The following SFRP1 variants were observed in gnomAD, a reference collection of about 807,000 sequenced individuals.
SFRP1 encodes the protein secreted frizzled-related protein 1.
SFRP1 carries 9 observed loss-of-function variants against 25.9 expected under a neutral mutation model. The observed-to-expected ratio is 0.35, with a 90% CI of 0.21 to 0.61. The LOEUF (loss-of-function observed/expected upper bound fraction) is 0.61, where lower values mean the gene tolerates loss of function less well. Among genes scored for constraint, SFRP1 ranks in the 20% least tolerant of loss-of-function variants. SFRP1 has a pLI of 0.78. For missense variants in SFRP1, 346 were observed against 418.2 expected, an observed-to-expected ratio of 0.83 and a Z score of 1.51; for synonymous variants, 178 against 174.0, an observed-to-expected ratio of 1.02 and a Z score of -0.18.
intron 2 of SFRP1, among the ~76,000 whole-genome samples, chr8:41,274,109 C>A (rs1353150689): frequency 6.6e-6 from 1 of 152,204 alleles, no homozygotes; most frequent in African/African-American, 2.4e-5. Context: ...TGCATTGTTC[C>A]AAGGCTTCTC....
chr8:41,267,419 C>T (rs1054195199), intron 2 of SFRP1, among the ~76,000 whole-genome samples: 11 of 152,198 alleles, frequency 7.2e-5, no homozygotes, highest in East Asian at 1.9e-4. Context: ...CTGGTCAGCC[C>T]GAGATATTCC....
intron 2 of SFRP1, among the ~76,000 whole-genome samples, chr8:41,286,327 C>T (rs1365384579): frequency 6.6e-6 from 1 of 152,220 alleles, no homozygotes. Flanking sequence ...ACTCCTGTTC[C>T]GAGGCAGGGG....
intron 2 of SFRP1, among the ~76,000 whole-genome samples, chr8:41,269,068 C>T (rs1803470828): frequency 6.6e-6 from 1 of 152,218 alleles, no homozygotes; most frequent in Admixed American, 6.5e-5. Context: ...GGAGCCCCTG[C>T]TGGGTACTTC....
At chr8:41,288,530 C>CAAAAAAAAAAAAAAAA (rs397893046) in intron 2 of SFRP1, among the ~76,000 whole-genome samples, 1 of 39,088 alleles carries the variant, frequency 2.6e-5, no homozygotes, top group African/African-American at 8.6e-5. Context: ...AGACCCTGTC[C>CAAAAAAAAAAAAAAAA]AAAAAAAAAA....
At chr8:41,285,878 CCGCCTCAGA>C (rs963196392) in intron 2 of SFRP1, among the ~76,000 whole-genome samples, 22 of 152,326 alleles carry the variant, frequency 1.4e-4, no homozygotes, top group African/African-American at 5.3e-4. Context: ...TCCCTCCCAG[CCGCCTCAGA>C]AGTGGCCACC....
At chr8:41,284,969 G>A (rs7820647) in intron 2 of SFRP1, among the ~76,000 whole-genome samples, 3 of 152,112 alleles carry the variant, frequency 2.0e-5, no homozygotes, top group Admixed American at 6.5e-5. Context: ...CAGATGCACC[G>A]CAAGAGTAAG....
Position 41,309,062 on chromosome 8 carries a change from T to G in SFRP1, c.98A>C (p.Glu33Ala), listed in dbSNP as rs755723496. ...AALLAVGSAS[E>A]YDYVSFQSDI... ...CGACTGGAAGCTCACGTAGTCGTACTCGCTGGCCGAGCCCACGGCCAGAAG... is the reference window on the plus strand; with the variant it reads ...CGACTGGAAGCTCACGTAGTCGTACGCGCTGGCCGAGCCCACGGCCAGAAG... The change falls in exon 1 of 3, where the codon GAG (glutamate) becomes GCG (alanine). Residue 33 changes from glutamate to alanine, a missense_variant. Transcript: ENST00000220772. 2 of 1,602,132 alleles carry G rather than the reference T, an allele frequency of 1.2e-6. No individual in the cohort carries two copies. The highest frequency in any genetic ancestry group is 3.3e-5 in the Admixed American group (2 of 59,916).
At position 41,309,215 on chromosome 8, in the gene SFRP1, C is replaced by T. The variant is rs1211083335; in HGVS notation, c.-56G>A. 3 of 1,265,216 alleles carry T rather than the reference C, an allele frequency of 2.4e-6. No individual in the cohort carries two copies. The East Asian group carries it at 9.8e-5, about 41-fold the overall frequency. 78.4% of individuals were successfully genotyped at this position (1,265,216 alleles called of 1,614,324 possible). A position where few individuals can be genotyped will look rare whatever the true frequency, so the allele number is the denominator to read the frequency against. ...CGGGGCTGCCTCCGCCGCCTCCCCGCGCGCGTCCTGCCGCAAACTTCCAGG... is the reference window on the plus strand; with the variant it reads ...CGGGGCTGCCTCCGCCGCCTCCCCGTGCGCGTCCTGCCGCAAACTTCCAGG... On this transcript the variant is annotated 5_prime_UTR_variant, in exon 1 of 3. Transcript: ENST00000220772.
chr8:41,287,231 T>C, intron 2 of SFRP1, among the ~76,000 whole-genome samples: 1 of 152,304 alleles, frequency 6.6e-6, no homozygotes, highest in East Asian at 1.9e-4. Flanking sequence ...CACAGGCTTG[T>C]CCACTTGAAG....
rs1317178292 is a variant in SFRP1, at chr8:41,263,988, G to C, written c.*1179C>G. 6.6e-6 allele frequency: 1 copy of C among 152,286 alleles called. No homozygotes were observed. Among genetic ancestry groups the C allele is most frequent in the South Asian group, 2.1e-4 (1 of 4,828 alleles). The allele number at this position is 152,286 out of a possible 1,614,324, so 9.4% of individuals were successfully genotyped here. On this transcript the variant is annotated 3_prime_UTR_variant, in exon 3 of 3. Coordinates refer to ENST00000220772, the MANE Select transcript of SFRP1 (RefSeq NM_003012.5). Reference sequence around the variant, plus strand: ...CGGAAAGCTCTGTGAGTTTTGCTAGGGGGTGTTAGGTTCTAGGGCAACCAC... The same window carrying C: ...CGGAAAGCTCTGTGAGTTTTGCTAGCGGGTGTTAGGTTCTAGGGCAACCAC...
chr8:41,294,745 C>T (rs911301567), intron 2 of SFRP1, among the ~76,000 whole-genome samples: 9 of 152,166 alleles, frequency 5.9e-5, no homozygotes, highest in African/African-American at 2.2e-4. Context: ...AACAGACCAA[C>T]ACCTTTTACA....
At chr8:41,279,721 G>A (rs996883015) in intron 2 of SFRP1, among the ~76,000 whole-genome samples, 1 of 149,752 alleles carries the variant, frequency 6.7e-6, no homozygotes, top group East Asian at 2.0e-4. Context: ...ATTTAGAGAG[G>A]GAAGCATCTC....
rs1314497073 is a variant in SFRP1, at chr8:41,262,038, C to T, written c.*3129G>A. The T allele has an allele frequency of 2.0e-5, 3 of 152,228 alleles. No individual in the cohort carries two copies. The highest frequency in any genetic ancestry group is 2.9e-5 in the Non-Finnish European group (2 of 68,016). 9.4% of individuals were successfully genotyped at this position (152,228 alleles called of 1,614,324 possible). On this transcript the variant is annotated 3_prime_UTR_variant, in exon 3 of 3. Coordinates refer to ENST00000220772, the MANE Select transcript of SFRP1 (RefSeq NM_003012.5). The stretch of plus-strand genomic sequence containing the variant: ...AGCATGAAAATAAAATGAACACGTA[C>T]GGGAATTACTATTAACATAAGCGAT...
intron 2 of SFRP1, among the ~76,000 whole-genome samples, chr8:41,277,175 T>C (rs1175813132): frequency 6.6e-6 from 1 of 151,978 alleles, no homozygotes; most frequent in Non-Finnish European, 1.5e-5. Flanking sequence ...CTGTGGCCCC[T>C]CCCCTTCCCA....
intron 2 of SFRP1, among the ~76,000 whole-genome samples, chr8:41,277,821 G>A (rs1803589393): frequency 6.6e-6 from 1 of 152,156 alleles, no homozygotes; most frequent in Non-Finnish European, 1.5e-5. Context: ...ATGTTTCCAA[G>A]GCTGGTCTCA....
intron 2 of SFRP1, among the ~76,000 whole-genome samples, chr8:41,272,613 T>A (rs941088419): frequency 4.6e-5 from 7 of 152,016 alleles, no homozygotes; most frequent in African/African-American, 1.4e-4. Flanking sequence ...TCTCAAAAAA[T>A]TTTTTCAAGA....
At chr8:41,277,218 C>T (rs1803582327) in intron 2 of SFRP1, among the ~76,000 whole-genome samples, 1 of 151,444 alleles carries the variant, frequency 6.6e-6, no homozygotes, top group Non-Finnish European at 1.5e-5. Context: ...CCCCCAGCCC[C>T]CCACCCTCAC....
intron 2 of SFRP1, among the ~76,000 whole-genome samples, chr8:41,284,515 T>C (rs1803674933): frequency 3.3e-5 from 5 of 152,004 alleles, no homozygotes. Flanking sequence ...AGTCTGGCAA[T>C]GGAGCTGCCA....
At chr8:41,298,320 A>C (rs1323649969) in intron 2 of SFRP1, 1 of 152,228 alleles carries the variant, frequency 6.6e-6, no homozygotes, top group East Asian at 1.9e-4. Context: ...GTTAACAATA[A>C]TTTATTGTAT....
Sources: allele counts gnomAD v4.1 joint callset (sites outside exome capture counted in the v4.1 genomes callset), GRCh38; gene constraint gnomAD v4.1.1; transcripts MANE v1.5; gene names NCBI Gene and HGNC (gene_info 2026-07-23, HGNC 2026-07-21).